LUZP2: variants seen among roughly 807,000 people sequenced by gnomAD.
LUZP2 encodes leucine zipper protein 2.
A neutral mutation model predicts 51.6 loss-of-function variants in LUZP2; 52 were observed. That is an observed-to-expected ratio of 1.01 (90% confidence interval 0.81 to 1.27). LUZP2 has a LOEUF of 1.27. LUZP2 is among the 50% of genes most tolerant of loss of function. LUZP2 has a pLI of 0.00. For synonymous variants in LUZP2, 154 were observed against 137.3 expected, an observed-to-expected ratio of 1.12 and a Z score of -0.85; for missense variants, 436 against 395.4, an observed-to-expected ratio of 1.10 and a Z score of -0.87.
Position 24,995,656 on chromosome 11 carries a change from G to A in LUZP2, c.765+12363G>A, listed in dbSNP as rs185614893. On this transcript the variant is annotated intron_variant, in intron 9 of 11. Coordinates refer to ENST00000336930, the MANE Select transcript of LUZP2 (RefSeq NM_001009909.4). The stretch of plus-strand genomic sequence containing the variant: ...AATGTCACCCCATTGCCTTCTAGCT[G>A]GCATAGCTCAGATAATAAATTATGT... 2.1e-3 allele frequency among the ~76,000 whole-genome samples: 318 copies of A among 151,598 alleles called. 1 individual carries two copies. The highest frequency in any genetic ancestry group is 7.3e-3 in the African/African-American group (303 of 41,352).
intron 5 of LUZP2, among the ~76,000 whole-genome samples, chr11:24,815,478 A>T (rs1850153518): frequency 6.6e-6 from 1 of 152,144 alleles, no homozygotes; most frequent in Non-Finnish European, 1.5e-5. Flanking sequence ...TTAGTGAGGA[A>T]TTTTAGGAAG....
chr11:24,669,052 A>C (rs1037516975), intron 1 of LUZP2, among the ~76,000 whole-genome samples: 5 of 152,164 alleles, frequency 3.3e-5, no homozygotes, highest in African/African-American at 4.8e-5. Flanking sequence ...CTAACCTGCT[A>C]CTAGGCAGGC....
chr11:24,945,862 C>A (rs1590760054), intron 7 of LUZP2, among the ~76,000 whole-genome samples: 1 of 151,926 alleles, frequency 6.6e-6, no homozygotes, highest in East Asian at 1.9e-4. Flanking sequence ...ATGTACAATT[C>A]TATGTTTTAA....
chr11:24,961,293 C>T (rs944584327), intron 7 of LUZP2, among the ~76,000 whole-genome samples: 43 of 152,042 alleles, frequency 2.8e-4, no homozygotes, highest in Admixed American at 2.2e-3. Context: ...TTCAATTCCT[C>T]GGTATTCTTG....
intron 1 of LUZP2, among the ~76,000 whole-genome samples, chr11:24,628,454 G>A (rs1854760820): frequency 6.6e-6 from 1 of 152,120 alleles, no homozygotes; most frequent in Non-Finnish European, 1.5e-5. Flanking sequence ...TAATCCTTAA[G>A]ATGCTTTTTT....
chr11:24,649,972 CAG>C (rs146086509), intron 1 of LUZP2, among the ~76,000 whole-genome samples: 3 of 134,466 alleles, frequency 2.2e-5, no homozygotes, highest in African/African-American at 9.5e-5. Context: ...CACATACACA[CAG>C]AGACACACAC....
At chr11:24,985,057 C>T (rs768350350) in intron 9 of LUZP2, among the ~76,000 whole-genome samples, 16 of 151,562 alleles carry the variant, frequency 1.1e-4, no homozygotes, top group African/African-American at 2.4e-4. Context: ...TATAAATTTT[C>T]GTATAAATTC....
Position 24,692,458 on chromosome 11 carries a change from G to A in LUZP2, c.63-36711G>A, listed in dbSNP as rs576379106. Among the ~76,000 whole-genome samples, 9 of 152,040 alleles carry A rather than the reference G, an allele frequency of 5.9e-5. No individual in the cohort carries two copies. The South Asian group carries it at 1.9e-3, about 32-fold the overall frequency. ...ATGAAGTTAAGCTTTTCAAACCCAA[G>A]TTTTCAAAGAAAGAAAAGTAGCCAA... On this transcript the variant is annotated intron_variant, in intron 1 of 11. Coordinates refer to ENST00000336930, the MANE Select transcript of LUZP2 (RefSeq NM_001009909.4).
At chr11:24,866,431 A>T (rs1351794300) in intron 5 of LUZP2, among the ~76,000 whole-genome samples, 1 of 152,206 alleles carries the variant, frequency 6.6e-6, no homozygotes, top group African/African-American at 2.4e-5. Context: ...CCAGCCTGCA[A>T]TAAGATTTTC....
chr11:25,044,253 GTGTGTATATATATATATA>G lies in LUZP2; in HGVS notation c.766-5783_766-5766del, dbSNP rs1239808774. 4.9e-3 allele frequency among the ~76,000 whole-genome samples: 155 copies of G among 31,798 alleles called. 1 individual carries two copies. The highest frequency in any genetic ancestry group is 7.5e-3 in the South Asian group (6 of 800). The allele number at this position is 31,798 out of a possible 152,430, so 20.9% of individuals were successfully genotyped here. On this transcript the variant is annotated intron_variant, in intron 9 of 11. Transcript: ENST00000336930. ...TATGTGTATGTGTGTGTGTGTGTGTGTGTGTATATATATATATATATATATATATATATATATAGTCTG... is the reference window on the plus strand; with the variant it reads ...TATGTGTATGTGTGTGTGTGTGTGTGTATATATATATATATATATAGTCTG...
At chr11:24,840,754 A>G (rs374586529) in intron 5 of LUZP2, among the ~76,000 whole-genome samples, 5 of 151,976 alleles carry the variant, frequency 3.3e-5, no homozygotes, top group African/African-American at 7.2e-5. Context: ...GCAATACAGA[A>G]AGCATGTCTC....
chr11:25,069,984 T>C (rs954494613), intron 10 of LUZP2, among the ~76,000 whole-genome samples: 15 of 151,880 alleles, frequency 9.9e-5, no homozygotes, highest in African/African-American at 2.9e-4. Context: ...GCATTAACAG[T>C]TCTATTGTTT....
chr11:24,629,076 A>G (rs1288157076), intron 1 of LUZP2, among the ~76,000 whole-genome samples: 1 of 152,132 alleles, frequency 6.6e-6, no homozygotes, highest in African/African-American at 2.4e-5. Context: ...AGCTGATAAT[A>G]CAAATTAGTT....
At chr11:24,659,957 T>C (rs929442179) in intron 1 of LUZP2, among the ~76,000 whole-genome samples, 1 of 152,082 alleles carries the variant, frequency 6.6e-6, no homozygotes, top group African/African-American at 2.4e-5. Flanking sequence ...AGTTTTGCAG[T>C]TGTAATTAGG....
At position 24,829,240 on chromosome 11, in the gene LUZP2, TTAGCAAGACC is replaced by T. The variant is rs549881716; in HGVS notation, c.396+65934_396+65943del. Among the ~76,000 whole-genome samples, 1,398 of 152,134 alleles carry T rather than the reference TTAGCAAGACC, an allele frequency of 9.2e-3. 10 individuals carry two copies. Among genetic ancestry groups the T allele is most frequent in the Middle Eastern group, 0.054 (16 of 294 alleles). On this transcript the variant is annotated intron_variant, in intron 5 of 11. Transcript: ENST00000336930. ...GACAGATGAAGGAAAGAGAGAATGA[TTAGCAAGACC>T]TTAACCAAAAATAAAGAGTTCTGGG...
chr11:24,732,999 C>T (rs1858768933), intron 3 of LUZP2, among the ~76,000 whole-genome samples: 1 of 151,498 alleles, frequency 6.6e-6, no homozygotes, highest in African/African-American at 2.4e-5. Flanking sequence ...ACCAGTTTGG[C>T]TCACTGATCA....
At chr11:24,829,591 A>G (rs1296039662) in intron 5 of LUZP2, among the ~76,000 whole-genome samples, 1 of 152,224 alleles carries the variant, frequency 6.6e-6, no homozygotes, top group Non-Finnish European at 1.5e-5. Flanking sequence ...GAATCTTAAC[A>G]TTGATTGGCT....
chr11:24,853,203 A>G (rs2450418), intron 5 of LUZP2, among the ~76,000 whole-genome samples: 23,043 of 152,030 alleles, frequency 0.15, 1,901 homozygotes, highest in African/African-American at 0.2. Context: ...TTCTGCAGTG[A>G]CTGGTACCAG....
chr11:24,813,079 A>G (rs1041169846), intron 5 of LUZP2, among the ~76,000 whole-genome samples: 3 of 152,132 alleles, frequency 2.0e-5, no homozygotes, highest in Non-Finnish European at 4.4e-5. Flanking sequence ...GAATCTTGAT[A>G]ATTACTTTTG....
Sources: gnomAD v4.1 joint callset for allele counts (sites outside exome capture counted in the v4.1 genomes callset) on GRCh38, gnomAD v4.1.1 for gene constraint, MANE v1.5 for transcripts, NCBI Gene and HGNC (gene_info 2026-07-23, HGNC 2026-07-21) for gene names.